ANK1: variants seen among roughly 807,000 people sequenced by gnomAD.
ANK1 encodes ankyrin-1.
Under a neutral mutation model 210.4 loss-of-function variants are expected in ANK1, and 51 were observed. The observed-to-expected ratio is 0.24, with a 90% CI of 0.19 to 0.31. The LOEUF (loss-of-function observed/expected upper bound fraction) is 0.31, where lower values mean the gene tolerates loss of function less well. Ranked by LOEUF, ANK1 falls within the 10% of genes least tolerant of loss-of-function variation. The probability of loss-of-function intolerance (pLI) is 1.00; values close to 1 mark genes in which losing one functional copy is unlikely to be tolerated. For synonymous variants in ANK1, 967 were observed against 1,025.9 expected, an observed-to-expected ratio of 0.94 and a Z score of 1.10; for missense variants, 2,051 against 2,504.4, an observed-to-expected ratio of 0.82 and a Z score of 3.86.
At chr8:41,739,984 A>G (rs568824410) in intron 2 of ANK1, among the ~76,000 whole-genome samples, 1 of 151,974 alleles carries the variant, frequency 6.6e-6, no homozygotes, top group South Asian at 2.1e-4. Flanking sequence ...CAGCTTCAGT[A>G]TTAGGCAGGC....
chr8:41,676,321 T>C (rs7831437), intron 37 of ANK1, among the ~76,000 whole-genome samples: 17 of 152,252 alleles, frequency 1.1e-4, no homozygotes, highest in African/African-American at 4.1e-4. Context: ...TTTTAATTTG[T>C]ATTTCCCAAA....
At chr8:41,842,231 G>C (rs530506901) in intron 1 of ANK1, among the ~76,000 whole-genome samples, 1 of 152,180 alleles carries the variant, frequency 6.6e-6, no homozygotes, top group Non-Finnish European at 1.5e-5. Flanking sequence ...AGTGGCTCAC[G>C]CCTATAATCC....
chr8:41,883,021 C>T (rs923186848), intron 1 of ANK1, among the ~76,000 whole-genome samples: 5 of 152,236 alleles, frequency 3.3e-5, no homozygotes, highest in Admixed American at 1.3e-4. Context: ...TCCTCCCTGG[C>T]CTCAGCCAGA....
At chr8:41,696,010 C>T (rs1820812941) in intron 26 of ANK1, among the ~76,000 whole-genome samples, 2 of 152,238 alleles carry the variant, frequency 1.3e-5, no homozygotes, top group Non-Finnish European at 2.9e-5. Flanking sequence ...TCAGAGTGGC[C>T]TTGTCTCTAG....
At chr8:41,805,691 T>C (rs112556840) in intron 1 of ANK1, among the ~76,000 whole-genome samples, 1 of 152,212 alleles carries the variant, frequency 6.6e-6, no homozygotes, top group Non-Finnish European at 1.5e-5. Context: ...ACAGACAACA[T>C]ATTTTTCTGA....
At chr8:41,754,964 A>G (rs1198009363) in intron 2 of ANK1, among the ~76,000 whole-genome samples, 1 of 152,250 alleles carries the variant, frequency 6.6e-6, no homozygotes, top group Non-Finnish European at 1.5e-5. Context: ...GGAATTAACC[A>G]GCAGCAAGGG....
Position 41,797,421 on chromosome 8 carries a change from C to T in ANK1, c.27+91G>A, listed in dbSNP as rs1181846768. ...GGCGAGGCGGGTGGGGTGTGCAAAG[C>T]TGCTCTTGCTCGCGTGCTGCCTACT... On this transcript the variant is annotated intron_variant, in intron 1 of 42. Coordinates refer to ENST00000289734, the MANE Select transcript of ANK1 (RefSeq NM_000037.4). The surrounding 1 kb of genome is among the most constrained non-coding windows in gnomAD (Gnocchi z 4.0). 1.6e-6 allele frequency: 2 copies of T among 1,223,538 alleles called. No individual in the cohort carries two copies. The highest frequency in any genetic ancestry group is 1.5e-5 in the African/African-American group (1 of 66,624). The allele number at this position is 1,223,538 out of a possible 1,614,324, so 75.8% of individuals were successfully genotyped here.
chr8:41,665,292 G>T, intron 39 of ANK1: 3 of 1,459,120 alleles, frequency 2.1e-6, no homozygotes, highest in South Asian at 2.4e-5. Context: ...GTGACATCAC[G>T]CTCCTATAAT....
chr8:41,762,287 G>A (rs2150719914), intron 1 of ANK1, among the ~76,000 whole-genome samples: 1 of 152,044 alleles, frequency 6.6e-6, no homozygotes, highest in African/African-American at 2.4e-5. Flanking sequence ...CCTGATGGTG[G>A]CTACTTCCTG....
intron 3 of ANK1, among the ~76,000 whole-genome samples, chr8:41,732,007 C>T (rs747144821): frequency 6.6e-6 from 1 of 152,176 alleles, no homozygotes. Context: ...AAAAATACCC[C>T]GTATCCAGTC....
chr8:41,871,993 G>A (rs1297026836), intron 1 of ANK1, among the ~76,000 whole-genome samples: 3 of 152,208 alleles, frequency 2.0e-5, no homozygotes, highest in Non-Finnish European at 4.4e-5. Context: ...CAGATGACAA[G>A]GCCGCAGCAG....
intron 1 of ANK1, among the ~76,000 whole-genome samples, chr8:41,851,386 A>G (rs769001931): frequency 6.6e-6 from 1 of 152,210 alleles, no homozygotes. Context: ...CAGGATCTGA[A>G]TCTACTAGGT....
chr8:41,822,761 T>C (rs554150131), intron 1 of ANK1, among the ~76,000 whole-genome samples: 2 of 152,332 alleles, frequency 1.3e-5, no homozygotes, highest in East Asian at 3.9e-4. Context: ...CTTGGATCCT[T>C]GACCCTGCTA....
chr8:41,770,241 C>G (rs1842748286), intron 1 of ANK1, among the ~76,000 whole-genome samples: 1 of 152,116 alleles, frequency 6.6e-6, no homozygotes, highest in Non-Finnish European at 1.5e-5. Flanking sequence ...CCTCGGCCTC[C>G]CATGTTGTTG....
At chr8:41,819,131 T>C (rs1390515401) in intron 1 of ANK1, among the ~76,000 whole-genome samples, 2 of 152,240 alleles carry the variant, frequency 1.3e-5, no homozygotes, top group East Asian at 3.8e-4. Flanking sequence ...AACCCTCTTC[T>C]GGGTCCCCTC....
chr8:41,735,604 C>G (rs544832585), intron 2 of ANK1, among the ~76,000 whole-genome samples: 8 of 152,266 alleles, frequency 5.3e-5, no homozygotes, highest in African/African-American at 1.9e-4. Context: ...CCCCACCCTG[C>G]GTTCCTCGAA....
chr8:41,664,825 G>T, intron 39 of ANK1: 1 of 1,610,154 alleles, frequency 6.2e-7, no homozygotes, highest in Non-Finnish European at 8.5e-7. Context: ...ACCCGCCGCC[G>T]GACCACCCTG....
intron 1 of ANK1, among the ~76,000 whole-genome samples, chr8:41,835,313 G>A (rs534051072): frequency 3.3e-5 from 5 of 152,292 alleles, no homozygotes; most frequent in East Asian, 1.9e-4. Context: ...TTAGCCAGGC[G>A]TGGTGGCGGG....
Position 41,704,097 on chromosome 8 carries a change from T to C in ANK1, c.2239A>G (p.Thr747Ala). Residue 747 changes from threonine to alanine, a missense_variant, in exon 20 of 43, where the codon ACA (threonine) becomes GCA (alanine). Thr to Ala is a moderately conservative substitution (Grantham distance 58). This residue lies in a region of ANK1 where 1,413 missense variants were observed against 1,707.4 expected (regional missense o/e 0.83). Transcript: ENST00000289734. This position sits in a 1 kb window ranked among gnomAD's most constrained non-coding sequence, Gnocchi z 4.1. ...TTCAGAAGCAGAGTCACGATGTCTG[T>C]GTGTCCCTGCTGGGCTGCCTGGTGC... The part of the protein sequence containing the change: ...PLHQAAQQGH[T>A]DIVTLLLKNG... The C allele has an allele frequency of 6.2e-7, 1 of 1,614,170 alleles. No homozygotes were observed. Among genetic ancestry groups the C allele is most frequent in the South Asian group, 1.1e-5 (1 of 91,084 alleles).
Sources: gnomAD v4.1 joint callset for allele counts (sites outside exome capture counted in the v4.1 genomes callset) on GRCh38, gnomAD v4.1.1 for gene constraint, gnomAD v4.1.1 regional missense constraint, Gnocchi (gnomAD v3.1) non-coding constraint, MANE v1.5 for transcripts, NCBI Gene and HGNC (gene_info 2026-07-23, HGNC 2026-07-21) for gene names.